The following DAB1 variants were observed in gnomAD, a reference collection of about 807,000 sequenced individuals.
DAB1 encodes DAB adaptor protein 1.
Under a neutral mutation model 64.6 loss-of-function variants are expected in DAB1, and 15 were observed. The observed-to-expected ratio is 0.23, with a 90% confidence interval of 0.16 to 0.36. The LOEUF is 0.36. Among genes scored for constraint, DAB1 ranks in the 10% least tolerant of loss-of-function variants. The pLI is 1.00. For missense variants in DAB1, 596 were observed against 706.7 expected, an observed-to-expected ratio of 0.84 and a Z score of 1.78; for synonymous variants, 235 against 251.9, an observed-to-expected ratio of 0.93 and a Z score of 0.64.
At chr1:58,493,717 G>T (rs1427915358) in intron 3 of DAB1, among the ~76,000 whole-genome samples, 1 of 151,762 alleles carries the variant, frequency 6.6e-6, no homozygotes, top group Admixed American at 6.6e-5. Context: ...CAAGGGATGT[G>T]AAGGACCTCT....
At chr1:58,435,334 A>G (rs1475987524) in intron 3 of DAB1, among the ~76,000 whole-genome samples, 1 of 152,042 alleles carries the variant, frequency 6.6e-6, no homozygotes, top group Admixed American at 6.6e-5. Flanking sequence ...CTGATGTTCC[A>G]TTCTCACCAA....
At chr1:58,256,233 G>A (rs1660925432) in intron 4 of DAB1, among the ~76,000 whole-genome samples, 1 of 152,228 alleles carries the variant, frequency 6.6e-6, no homozygotes, top group Non-Finnish European at 1.5e-5. Context: ...GTGCACGGTT[G>A]CCACGGTGAT....
At chr1:57,849,346 GCCTCT>G (rs1237225794) in intron 1 of DAB1, among the ~76,000 whole-genome samples, 1 of 152,156 alleles carries the variant, frequency 6.6e-6, no homozygotes, top group Non-Finnish European at 1.5e-5. Flanking sequence ...GGATCTTTCA[GCCTCT>G]CCTTATTGCT....
chr1:57,553,368 G>A (rs7417768), intron 7 of DAB1, among the ~76,000 whole-genome samples: 2,560 of 21,092 alleles, frequency 0.12, 160 homozygotes, highest in African/African-American at 0.19. Context: ...AGAAAGAGAA[G>A]GAAGGAAGGA....
chr1:57,094,451 T>C (rs1045719918), intron 4 of DAB1, among the ~76,000 whole-genome samples: 10 of 152,198 alleles, frequency 6.6e-5, no homozygotes, highest in Admixed American at 6.5e-4. Flanking sequence ...ATTTGGTTGC[T>C]GAAAGCATCT....
At chr1:57,411,673 G>A (rs899843369) in intron 1 of DAB1, among the ~76,000 whole-genome samples, 2 of 152,130 alleles carry the variant, frequency 1.3e-5, no homozygotes, top group Non-Finnish European at 2.9e-5. Flanking sequence ...TACCCTGGTC[G>A]ATCACCCTCT....
intron 4 of DAB1, among the ~76,000 whole-genome samples, chr1:58,275,437 G>A (rs1208998180): frequency 1.3e-5 from 2 of 152,072 alleles, no homozygotes; most frequent in Admixed American, 6.5e-5. Context: ...CTGATACAGA[G>A]TTTAATATTC....
chr1:57,318,198 G>T (rs369378186), intron 1 of DAB1, among the ~76,000 whole-genome samples: 1 of 149,824 alleles, frequency 6.7e-6, no homozygotes, highest in Non-Finnish European at 1.5e-5. Context: ...ACTTTGATTG[G>T]TCCAGAGAGA....
chr1:57,726,868 T>C lies in DAB1; in HGVS notation n.552-77203A>G, dbSNP rs1405004371. ...TACCTCTGATGGGATCAGATTTCTG[T>C]TTGAGAATGATCATTCTGGCAGCAA... On this transcript the variant is annotated intron_variant and non_coding_transcript_variant, in intron 6 of 20. Coordinates refer to the DAB1 transcript ENST00000485760. Among the ~76,000 whole-genome samples the C allele has an allele frequency of 2.0e-5, 3 of 152,280 alleles. No individual in the cohort carries two copies. The East Asian group carries it at 5.8e-4, about 29-fold the overall frequency.
chr1:57,478,900 C>G (rs531449237), intron 7 of DAB1, among the ~76,000 whole-genome samples: 1 of 151,812 alleles, frequency 6.6e-6, no homozygotes, highest in East Asian at 1.9e-4. Context: ...GCGCCCGGCC[C>G]GGTTCCCATT....
intron 1 of DAB1, among the ~76,000 whole-genome samples, chr1:57,362,834 C>T (rs1679665255): frequency 6.6e-6 from 1 of 152,176 alleles, no homozygotes; most frequent in South Asian, 2.1e-4. Context: ...CAAACACACA[C>T]ATGCATGCAC....
intron 5 of DAB1, among the ~76,000 whole-genome samples, chr1:58,013,446 G>T (rs950563537): frequency 6.6e-6 from 1 of 151,950 alleles, no homozygotes; most frequent in South Asian, 2.1e-4. Flanking sequence ...AGCAGGGGGC[G>T]CCTGAGCCAC....
intron 2 of DAB1, among the ~76,000 whole-genome samples, chr1:57,193,379 A>ATTTTTTTTTTTTT (rs1328631874): frequency 1.4e-5 from 1 of 71,618 alleles, no homozygotes; most frequent in Non-Finnish European, 2.9e-5. Flanking sequence ...TCCGTAGCAT[A>ATTTTTTTTTTTTT]TGTTTTTTTT....
At chr1:58,267,909 C>T (rs1185577141) in intron 4 of DAB1, among the ~76,000 whole-genome samples, 1 of 152,172 alleles carries the variant, frequency 6.6e-6, no homozygotes, top group Non-Finnish European at 1.5e-5. Flanking sequence ...CTCCCTATTG[C>T]AGTCCTTGTC....
chr1:57,864,925 G>A (rs1182616340), intron 1 of DAB1: 1 of 152,042 alleles, frequency 6.6e-6, no homozygotes, highest in Non-Finnish European at 1.5e-5. Context: ...AAATACCAAA[G>A]AAGTCCCTGT....
At chr1:57,688,256 C>T (rs909907701) in intron 6 of DAB1, among the ~76,000 whole-genome samples, 2 of 151,994 alleles carry the variant, frequency 1.3e-5, no homozygotes, top group African/African-American at 4.8e-5. Context: ...GGGCAAAGGA[C>T]ATAAACAGAC....
intron 4 of DAB1, among the ~76,000 whole-genome samples, chr1:58,245,340 A>C (rs992323882): frequency 1.3e-5 from 2 of 152,156 alleles, no homozygotes. Context: ...ACCTGAGTTC[A>C]ACACCTTCCA....
intron 1 of DAB1, among the ~76,000 whole-genome samples, chr1:57,875,438 A>G (rs925604516): frequency 1.3e-5 from 2 of 152,138 alleles, no homozygotes; most frequent in African/African-American, 4.8e-5. Flanking sequence ...TCATCCACTC[A>G]TTCATTCTTT....
chr1:57,436,920 T>C (rs1685717293), intron 7 of DAB1, among the ~76,000 whole-genome samples: 1 of 150,152 alleles, frequency 6.7e-6, no homozygotes, highest in Admixed American at 6.7e-5. Flanking sequence ...CCCAGCTACT[T>C]GGGAGGCTGA....
Sources: allele counts gnomAD v4.1 joint callset (sites outside exome capture counted in the v4.1 genomes callset), GRCh38; gene constraint gnomAD v4.1.1; transcripts MANE v1.5; gene names NCBI Gene and HGNC (gene_info 2026-07-23, HGNC 2026-07-21).